DUSP19: variants seen among roughly 807,000 people sequenced by gnomAD.
DUSP19 encodes the protein dual specificity phosphatase 19.
Under a neutral mutation model 16.6 loss-of-function variants are expected in DUSP19, and 14 were observed. The ratio of observed to expected loss-of-function variants is 0.84; its 90% CI spans 0.56 to 1.32. The LOEUF (loss-of-function observed/expected upper bound fraction) is 1.32. Among genes scored for constraint, DUSP19 ranks in the 40% most tolerant of loss-of-function variants. The probability of loss-of-function intolerance (pLI) is 0.00; values close to 1 mark genes in which losing one functional copy is unlikely to be tolerated. For synonymous variants in DUSP19, 81 were observed against 90.5 expected (o/e 0.90, Z 0.59); for missense variants, 258 against 255.9 (o/e 1.01, Z -0.06).
intron 1 of DUSP19, among the ~76,000 whole-genome samples, chr2:183,082,413 AT>A (rs1699603481): frequency 8.0e-6 from 1 of 125,394 alleles, no homozygotes; most frequent in Non-Finnish European, 1.6e-5. Flanking sequence ...CATTGAGAAC[AT>A]TTTTCTTTTT....
Position 183,078,858 on chromosome 2 carries a change from A to G in DUSP19, c.-76A>G. On this transcript the variant is annotated 5_prime_UTR_variant, in exon 1 of 4. Coordinates refer to ENST00000354221, the MANE Select transcript of DUSP19 (RefSeq NM_080876.4). ...TGAGGCTGGCTTTGTTACCTGGGCAATAAGGGACTAGCAGTTCAGCCGTTT... is the reference window on the plus strand; with the variant it reads ...TGAGGCTGGCTTTGTTACCTGGGCAGTAAGGGACTAGCAGTTCAGCCGTTT... The G allele has an allele frequency of 1.5e-6, 2 of 1,378,696 alleles. No individual in the cohort carries two copies. Among genetic ancestry groups the G allele is most frequent in the Non-Finnish European group, 2.0e-6 (2 of 997,162 alleles). The allele number at this position is 1,378,696 out of a possible 1,614,324, so 85.4% of individuals were successfully genotyped here.
At chr2:183,089,856 C>T (rs1249890959) in intron 3 of DUSP19, among the ~76,000 whole-genome samples, 6 of 152,238 alleles carry the variant, frequency 3.9e-5, no homozygotes, top group Admixed American at 6.5e-5. Context: ...CTCACTGCAA[C>T]TCCACCTCCT....
intron 2 of DUSP19, among the ~76,000 whole-genome samples, chr2:183,084,215 T>C (rs991127067): frequency 4.6e-5 from 7 of 151,976 alleles, no homozygotes; most frequent in Admixed American, 2.0e-4. Context: ...GGTTTGTTTT[T>C]GGGGGGATAA....
In DUSP19 at chr2:183,095,539, T is replaced by C; in HGVS notation, c.535T>C (p.Leu179=). 6.2e-7 allele frequency: 1 copy of C among 1,614,038 alleles called. No individual in the cohort carries two copies. Among genetic ancestry groups the C allele is most frequent in the Non-Finnish European group, 8.5e-7 (1 of 1,179,960 alleles). ...EQTSFTSAFS[L]VKNARPSICP... is the part of the protein sequence containing the mutation. The stretch of plus-strand genomic sequence containing the variant: ...AACCTCATTTACCAGTGCTTTTTCT[T>C]TGGTGAAAAATGCAAGACCTTCCAT... Residue 179 remains leucine, a synonymous_variant, in exon 4 of 4, where the codon TTG becomes CTG. Transcript: ENST00000354221.
At chr2:183,085,006 G>A (rs1030621937) in intron 2 of DUSP19, among the ~76,000 whole-genome samples, 1 of 152,174 alleles carries the variant, frequency 6.6e-6, no homozygotes, top group African/African-American at 2.4e-5. Context: ...ATCGTTCCAT[G>A]AGATTGAAAG....
At chr2:183,079,211 G>C (rs750789609) in intron 1 of DUSP19, 52 bp downstream of exon 1, 3 of 1,527,692 alleles carry the variant, frequency 2.0e-6, no homozygotes. Flanking sequence ...GCCAGATTAC[G>C]TTCTCATTTT....
At chr2:183,079,789 A>G (rs1408421315) in intron 1 of DUSP19, among the ~76,000 whole-genome samples, 1 of 152,248 alleles carries the variant, frequency 6.6e-6, no homozygotes, top group Non-Finnish European at 1.5e-5. Context: ...AAACTTGTTA[A>G]TTTGGCAAGA....
At position 183,095,795 on chromosome 2, in the gene DUSP19, T is replaced by C; in HGVS notation, c.*137T>C. On this transcript the variant is annotated 3_prime_UTR_variant, in exon 4 of 4. Transcript: ENST00000354221. ...TTTTATGCATAAATGGAGGTCAATT[T>C]GATTGTCCTGACCTACTGTATAAGT... is the stretch of plus-strand genomic sequence containing the variant. 1.7e-6 allele frequency: 1 copy of C among 574,654 alleles called. No individual in the cohort carries two copies. The highest frequency in any genetic ancestry group is 2.8e-5 in the East Asian group (1 of 35,208). 35.6% of individuals were successfully genotyped at this position (574,654 alleles called of 1,614,324 possible).
intron 3 of DUSP19, among the ~76,000 whole-genome samples, chr2:183,095,026 T>C (rs1009515426): frequency 7.2e-5 from 11 of 152,200 alleles, no homozygotes; most frequent in Non-Finnish European, 2.9e-5. Flanking sequence ...TACAAAGTTG[T>C]TAGGTTTTCA....
chr2:183,083,517 A>G lies in DUSP19; in HGVS notation c.236A>G (p.Asp79Gly). Residue 79 changes from aspartate (D) to glycine (G), a missense_variant, in exon 2 of 4, where the codon GAT becomes GGT. Physicochemically the swap from Asp to Gly is moderately conservative, Grantham distance 94 (BLOSUM62 -1). Transcript: ENST00000354221. Reference sequence around the variant, plus strand: ...CATTTATTTCTTCTAGGGTCACAAGATGCTGCTCATGATTTGGATACACTG... The same window carrying G: ...CATTTATTTCTTCTAGGGTCACAAGGTGCTGCTCATGATTTGGATACACTG... ...IKPWLLLGSQ[D>G]AAHDLDTLKK... The G allele has an allele frequency of 6.2e-7, 1 of 1,611,962 alleles. No homozygotes were observed. The highest frequency in any genetic ancestry group is 1.3e-5 in the African/African-American group (1 of 74,958).
chr2:183,084,089 G>C (rs1282634796), intron 2 of DUSP19, among the ~76,000 whole-genome samples: 1 of 152,118 alleles, frequency 6.6e-6, no homozygotes, highest in Non-Finnish European at 1.5e-5. Context: ...TGACCTAAGG[G>C]GCAGACAGAG....
At chr2:183,093,299 T>G (rs980173563) in intron 3 of DUSP19, among the ~76,000 whole-genome samples, 1 of 152,198 alleles carries the variant, frequency 6.6e-6, no homozygotes, top group Non-Finnish European at 1.5e-5. Flanking sequence ...AACAAATGTA[T>G]TCACTTAGCA....
At chr2:183,082,841 C>G (rs1385935888) in intron 1 of DUSP19, among the ~76,000 whole-genome samples, 1 of 144,854 alleles carries the variant, frequency 6.9e-6, no homozygotes, top group Non-Finnish European at 1.5e-5. Context: ...TTCCTTCCTC[C>G]CTCCCTCCCT....
intron 2 of DUSP19, among the ~76,000 whole-genome samples, chr2:183,086,663 A>G (rs1699666395): frequency 6.6e-6 from 1 of 151,198 alleles, no homozygotes; most frequent in Non-Finnish European, 1.5e-5. Context: ...AAAAAAAAAA[A>G]AAAAAAAAAA....
intron 3 of DUSP19, among the ~76,000 whole-genome samples, chr2:183,094,436 A>G (rs1337787512): frequency 2.6e-5 from 4 of 152,170 alleles, no homozygotes; most frequent in African/African-American, 9.7e-5. Flanking sequence ...AGTAACTAAA[A>G]TGTCTAATTC....
Position 183,082,425 on chromosome 2 carries a change from T to C in DUSP19, c.227-1083T>C, listed in dbSNP as rs1049463816. On this transcript the variant is annotated intron_variant, in intron 1 of 3. Coordinates refer to ENST00000354221, the MANE Select transcript of DUSP19 (RefSeq NM_080876.4). ...ATACATTGAGAACATTTTTCTTTTT[T>C]TTTTTTTTTTTTTTTTGAGACGGAG... Among the ~76,000 whole-genome samples the C allele has an allele frequency of 1.9e-3, 265 of 140,160 alleles. 2 individuals carry two copies. Among genetic ancestry groups the C allele is most frequent in the African/African-American group, 6.3e-3 (239 of 37,670 alleles). The allele number at this position is 140,160 out of a possible 152,430, so 92.0% of individuals were successfully genotyped here. A position where few individuals can be genotyped will look rare whatever the true frequency, so the allele number is the denominator to read the frequency against.
At chr2:183,080,603 A>T (rs1209263829) in intron 1 of DUSP19, among the ~76,000 whole-genome samples, 1 of 152,200 alleles carries the variant, frequency 6.6e-6, no homozygotes, top group East Asian at 1.9e-4. Flanking sequence ...TGGAATAATT[A>T]TGGTAGAATT....
At position 183,099,598 on chromosome 2, in the gene DUSP19, T is replaced by C. The variant is rs1355042993; in HGVS notation, c.*3940T>C. 6.6e-6 allele frequency: 1 copy of C among 152,242 alleles called. No homozygotes were observed. The highest frequency in any genetic ancestry group is 2.4e-5 in the African/African-American group (1 of 41,466). The allele number at this position is 152,242 out of a possible 1,614,324, so 9.4% of individuals were successfully genotyped here. A position where few individuals can be genotyped will look rare whatever the true frequency, so the allele number is the denominator to read the frequency against. ...ACCCTTTATTGTTTCTAGGTGTTGA[T>C]ATACTTTAATAAAAATGATATGTTT... On this transcript the variant is annotated 3_prime_UTR_variant, in exon 4 of 4. Transcript: ENST00000354221.
intron 1 of DUSP19, among the ~76,000 whole-genome samples, chr2:183,082,307 A>G (rs1300983230): frequency 6.6e-6 from 1 of 151,846 alleles, no homozygotes; most frequent in African/African-American, 2.4e-5. Context: ...ATTTTGTTCT[A>G]TGTATACCTC....
Sources: gnomAD v4.1 joint callset for allele counts (sites outside exome capture counted in the v4.1 genomes callset) on GRCh38, gnomAD v4.1.1 for gene constraint, MANE v1.5 for transcripts, NCBI Gene and HGNC (gene_info 2026-07-23, HGNC 2026-07-21) for gene names.